The following AHNAK variants were observed in gnomAD, a reference collection of about 807,000 sequenced individuals.
AHNAK encodes the protein AHNAK nucleoprotein.
In AHNAK, 23 loss-of-function variants were observed where a neutral mutation model predicts 37.8. The observed-to-expected ratio is 0.61, with a 90% CI of 0.44 to 0.86. The LOEUF is 0.86. Ranked by LOEUF, AHNAK falls within the 40% of genes least tolerant of loss-of-function variation. The pLI, the probability that AHNAK is intolerant of heterozygous loss-of-function variation, is 0.00. For missense variants in AHNAK, 7,411 were observed against 7,319.4 expected (o/e 1.01, Z -0.46); for synonymous variants, 2,481 against 2,636.3 (o/e 0.94, Z 1.80).
chr11:62,519,060 T>G lies in AHNAK; in HGVS notation c.15357A>C (p.Ala5119=). The change falls in exon 5 of 5, where the codon GCA becomes GCC. Residue 5119 remains alanine (A), a synonymous_variant. Coordinates refer to ENST00000378024, the MANE Select transcript of AHNAK (RefSeq NM_001620.3). The part of the protein sequence containing the change: ...PSPKLEGELQ[A]PDLELSLPAI... ...CTGGCAAAGAAAGTTCCAGATCAGG[T>G]GCCTGGAGTTCACCCTCCAGTTTGG... 1 of 1,613,148 alleles carries G rather than the reference T, an allele frequency of 6.2e-7. No homozygotes were observed. Among genetic ancestry groups the G allele is most frequent in the South Asian group, 1.1e-5 (1 of 90,970 alleles).
At position 62,527,507 on chromosome 11, in the gene AHNAK, C is replaced by T; in HGVS notation, c.6910G>A (p.Glu2304Lys). The T allele has an allele frequency of 6.2e-7, 1 of 1,613,700 alleles. No homozygotes were observed. Among genetic ancestry groups the T allele is most frequent in the South Asian group, 1.1e-5 (1 of 91,048 alleles). Residue 2304 changes from glutamate (E) to lysine (K), a missense_variant, in exon 5 of 5, where the codon GAG becomes AAG. Glu to Lys is a moderately conservative substitution (Grantham distance 56). Transcript: ENST00000378024. ...ATCTTGGGGGTCTTGAAGTGCATCT[C>T]AGGCATCTTAAACTTGGGGCCCTTC... is the stretch of plus-strand genomic sequence containing the variant. ...KLKGPKFKMP[E>K]MHFKTPKISM...
At chr11:62,479,644 C>G (rs1233590814) in intron 5 of AHNAK, among the ~76,000 whole-genome samples, 1 of 152,108 alleles carries the variant, frequency 6.6e-6, no homozygotes. Flanking sequence ...TCCCTAAGAA[C>G]CTGTCACCAT....
At chr11:62,482,787 T>G (rs1939301478) in intron 5 of AHNAK, among the ~76,000 whole-genome samples, 1 of 152,148 alleles carries the variant, frequency 6.6e-6, no homozygotes, top group South Asian at 2.1e-4. Context: ...ATTTCATGTG[T>G]AGCAAAGAGG....
At chr11:62,441,157 C>G (rs569836972) in intron 5 of AHNAK, among the ~76,000 whole-genome samples, 1 of 152,094 alleles carries the variant, frequency 6.6e-6, no homozygotes, top group South Asian at 2.1e-4. Context: ...TGTGCCACCA[C>G]GCCCGGCTAA....
chr11:62,436,008 A>G (rs961451880), intron 5 of AHNAK, among the ~76,000 whole-genome samples: 9 of 152,346 alleles, frequency 5.9e-5, no homozygotes, highest in East Asian at 5.8e-4. Context: ...GAGAAGTTAA[A>G]TAACTACCCA....
At chr11:62,434,515 TC>T in intron 5 of AHNAK, among the ~76,000 whole-genome samples, 1 of 152,220 alleles carries the variant, frequency 6.6e-6, no homozygotes, top group South Asian at 2.1e-4. Context: ...CAGGTTGTCC[TC>T]TCATGGGCCT....
At chr11:62,478,750 CAAAAAA>C (rs11358273) in intron 5 of AHNAK, among the ~76,000 whole-genome samples, 12 of 88,442 alleles carry the variant, frequency 1.4e-4, no homozygotes, top group Admixed American at 1.3e-3. Context: ...GACCCTGCCT[CAAAAAA>C]AAAAAAAAAA....
chr11:62,515,532 G>A (rs1231058101), downstream of AHNAK, among the ~76,000 whole-genome samples: 1 of 152,212 alleles, frequency 6.6e-6, no homozygotes, highest in Non-Finnish European at 1.5e-5. Context: ...GCCATGTCAG[G>A]AATAAATGGC....
At position 62,517,873 on chromosome 11, in the gene AHNAK, G is replaced by A; in HGVS notation, c.16544C>T (p.Thr5515Ile). 6.2e-7 allele frequency: 1 copy of A among 1,614,132 alleles called. No homozygotes were observed. The highest frequency in any genetic ancestry group is 1.1e-5 in the South Asian group (1 of 91,084). ...GATTTCAGGCCCAGAAATCTGCCCA[G>A]TTGGGAGTTTCACATTCACGCCTGG... The part of the protein sequence containing the change: ...NLPGVNVKLP[T>I]GQISGPEIKG... The change falls in exon 5 of 5, where the codon ACT (threonine) becomes ATT (isoleucine). Residue 5515 changes from threonine to isoleucine, a missense_variant. Transcript: ENST00000378024.
At chr11:62,473,428 G>A (rs527549312) in intron 5 of AHNAK, among the ~76,000 whole-genome samples, 161 of 146,088 alleles carry the variant, frequency 1.1e-3, no homozygotes, top group Middle Eastern at 0.011. Context: ...GGGTGCGGTG[G>A]CTCACGCCTG....
chr11:62,519,221 C>G lies in AHNAK; in HGVS notation c.15196G>C (p.Gly5066Arg), dbSNP rs201101512. ...TCGACTTTGAGTGCAGCATCCGGCC[C>G]TGCGATGTTGACATCTACATCCGGA... ...KAPDVDVNIA[G>R]PDAALKVDVK... is the part of the protein sequence containing the mutation. The change falls in exon 5 of 5, where the codon GGG becomes CGG. Residue 5066 changes from glycine to arginine, a missense_variant. By Grantham distance (125) the Gly-to-Arg change is moderately radical. Coordinates refer to ENST00000378024, the MANE Select transcript of AHNAK (RefSeq NM_001620.3). The G allele has an allele frequency of 1.3e-4, 202 of 1,613,570 alleles. No individual in the cohort carries two copies. Among genetic ancestry groups the G allele is most frequent in the Non-Finnish European group, 1.1e-4 (124 of 1,179,870 alleles).
intron 5 of AHNAK, among the ~76,000 whole-genome samples, chr11:62,481,640 C>G (rs961621553): frequency 3.0e-5 from 1 of 33,692 alleles, no homozygotes. Flanking sequence ...TGCAGTGACA[C>G]GATCTTGGCT....
chr11:62,542,785 G>A (rs1413434350), intron 1 of AHNAK, among the ~76,000 whole-genome samples: 1 of 152,230 alleles, frequency 6.6e-6, no homozygotes, highest in Non-Finnish European at 1.5e-5. Flanking sequence ...AGAACCACTG[G>A]GATTAAGACA....
intron 5 of AHNAK, among the ~76,000 whole-genome samples, chr11:62,475,509 A>C (rs970598553): frequency 5.8e-4 from 88 of 151,260 alleles, no homozygotes; most frequent in Non-Finnish European, 5.9e-5. Context: ...ACTGAGGTCT[A>C]TTGGGTTGGT....
Position 62,529,157 on chromosome 11 carries a change from C to G in AHNAK, c.5260G>C (p.Asp1754His). The change falls in exon 5 of 5, where the codon GAT becomes CAT. Residue 1754 changes from aspartate (D) to histidine (H), a missense_variant. By Grantham distance (81) the Asp-to-His change is moderately conservative. Coordinates refer to ENST00000378024, the MANE Select transcript of AHNAK (RefSeq NM_001620.3). ...CCTTCTGGTCCCTCAATATCCAAATCAGGAGCATCAGTGTCCACACTGGGT... is the reference window on the plus strand; with the variant it reads ...CCTTCTGGTCCCTCAATATCCAAATGAGGAGCATCAGTGTCCACACTGGGT... Reference protein sequence around the residue: ...SGPSVDTDAPDLDIEGPEGKL... With the variant: ...SGPSVDTDAPHLDIEGPEGKL... The G allele has an allele frequency of 6.2e-7, 1 of 1,614,168 alleles. No individual in the cohort carries two copies. The highest frequency in any genetic ancestry group is 1.1e-5 in the South Asian group (1 of 91,074).
At chr11:62,469,596 C>G (rs150605354) in intron 5 of AHNAK, among the ~76,000 whole-genome samples, 3 of 151,994 alleles carry the variant, frequency 2.0e-5, no homozygotes, top group Non-Finnish European at 4.4e-5. Context: ...TCCCTAGTAG[C>G]TGGAATTACA....
chr11:62,512,469 C>T (rs1364883631), downstream of AHNAK, among the ~76,000 whole-genome samples: 1 of 152,204 alleles, frequency 6.6e-6, no homozygotes, highest in African/African-American at 2.4e-5. The surrounding 1 kb of genome is among the most constrained non-coding windows in gnomAD (Gnocchi z 4.0). Flanking sequence ...GGTCTCACCA[C>T]CCCTTGTGGC....
chr11:62,520,931 C>T lies in AHNAK; in HGVS notation c.13486G>A (p.Glu4496Lys). 6.2e-7 allele frequency: 1 copy of T among 1,614,196 alleles called. No individual in the cohort carries two copies. The highest frequency in any genetic ancestry group is 8.5e-7 in the Non-Finnish European group (1 of 1,180,040). The change falls in exon 5 of 5, where the codon GAA (glutamate) becomes AAA (lysine). Residue 4496 changes from glutamate to lysine, a missense_variant. Coordinates refer to ENST00000378024, the MANE Select transcript of AHNAK (RefSeq NM_001620.3). The part of the protein sequence containing the change: ...SDLKGPEVDI[E>K]GPEGKLKGPK... The stretch of plus-strand genomic sequence containing the variant: ...CCTTTGAGCTTCCCTTCAGGACCTT[C>T]AATGTCTACCTCTGGCCCTTTCAGA...
chr11:62,542,735 A>G (rs1486101063), intron 1 of AHNAK, among the ~76,000 whole-genome samples: 1 of 152,198 alleles, frequency 6.6e-6, no homozygotes, highest in Non-Finnish European at 1.5e-5. Context: ...GGGAGTCCCC[A>G]CACCTGGACA....
Sources: gnomAD v4.1 joint callset for allele counts (sites outside exome capture counted in the v4.1 genomes callset) on GRCh38, gnomAD v4.1.1 for gene constraint, Gnocchi (gnomAD v3.1) non-coding constraint, MANE v1.5 for transcripts, NCBI Gene and HGNC (gene_info 2026-07-23, HGNC 2026-07-21) for gene names.